PRIM2: variants seen among roughly 807,000 people sequenced by gnomAD.
PRIM2 encodes DNA primase subunit 2.
A neutral mutation model predicts 67.3 loss-of-function variants in PRIM2; 39 were observed. The observed-to-expected ratio is 0.58, with a 90% confidence interval of 0.45 to 0.76. The LOEUF is 0.76. Ranked by LOEUF, PRIM2 falls within the 30% of genes least tolerant of loss-of-function variation. The pLI is 0.00. For synonymous variants in PRIM2, 143 were observed against 198.7 expected, an observed-to-expected ratio of 0.72 and a Z score of 2.36; for missense variants, 398 against 598.7, an observed-to-expected ratio of 0.66 and a Z score of 3.50.
chr6:57,633,425 T>G (rs1777066710), intron 13 of PRIM2, among the ~76,000 whole-genome samples: 1 of 152,204 alleles, frequency 6.6e-6, no homozygotes, highest in East Asian at 1.9e-4. Context: ...TGCTAAAGTT[T>G]TACAATTATT....
At chr6:57,315,926 TC>T (rs1292616659), upstream of PRIM2, among the ~76,000 whole-genome samples, 1 of 152,226 alleles carries the variant, frequency 6.6e-6, no homozygotes, top group Non-Finnish European at 1.5e-5. Context: ...TTATATGCTT[TC>T]AGGTGTCTTC....
chr6:57,608,034 C>G (rs1776593041), intron 12 of PRIM2, among the ~76,000 whole-genome samples: 2 of 151,590 alleles, frequency 1.3e-5, no homozygotes. Context: ...CTCCACTCTA[C>G]TTTAGAGCTT....
intron 7 of PRIM2, among the ~76,000 whole-genome samples, chr6:57,442,826 C>T (rs1328019232): frequency 6.6e-6 from 1 of 151,960 alleles, no homozygotes; most frequent in East Asian, 1.9e-4. Flanking sequence ...TTGAAATGTG[C>T]AATACCCTGT....
chr6:57,426,127 C>T (rs1771617283), intron 7 of PRIM2, among the ~76,000 whole-genome samples: 1 of 152,132 alleles, frequency 6.6e-6, no homozygotes, highest in African/African-American at 2.4e-5. Flanking sequence ...ATTTTAAATA[C>T]ACAGGTCTCT....
chr6:57,442,001 G>A (rs1014352219), intron 7 of PRIM2, among the ~76,000 whole-genome samples: 6 of 152,102 alleles, frequency 3.9e-5, no homozygotes, highest in African/African-American at 1.2e-4. Flanking sequence ...AAAAAAAATA[G>A]GACATAATGT....
chr6:57,299,867 A>T, the PRIM2 span, among the ~76,000 whole-genome samples: 1 of 152,172 alleles, frequency 6.6e-6, no homozygotes, highest in Non-Finnish European at 1.5e-5. Flanking sequence ...AGTGCTCCTC[A>T]GGGGCAGAGG....
chr6:57,396,172 A>G (rs1019923258), intron 7 of PRIM2, among the ~76,000 whole-genome samples: 5 of 152,230 alleles, frequency 3.3e-5, no homozygotes, highest in South Asian at 2.1e-4. Context: ...GTTAAGTCCA[A>G]TTGTTCCAAG....
At chr6:57,520,667 T>C (rs1774592881) in intron 8 of PRIM2, among the ~76,000 whole-genome samples, 2 of 152,200 alleles carry the variant, frequency 1.3e-5, no homozygotes, top group African/African-American at 4.8e-5. Context: ...GTACAATTTA[T>C]ACACAAAAAA....
intron 7 of PRIM2, among the ~76,000 whole-genome samples, chr6:57,454,890 T>G (rs1772705581): frequency 6.6e-6 from 1 of 152,220 alleles, no homozygotes; most frequent in African/African-American, 2.4e-5. Flanking sequence ...GGTGTCAATT[T>G]TAGATCTTTC....
chr6:57,235,442 C>T, the PRIM2 span, among the ~76,000 whole-genome samples: 1 of 141,478 alleles, frequency 7.1e-6, no homozygotes, highest in African/African-American at 2.6e-5. Context: ...CCAGCCTGGG[C>T]AACAAGAGCA....
chr6:57,555,329 G>A (rs1775491144), intron 10 of PRIM2, among the ~76,000 whole-genome samples: 1 of 152,102 alleles, frequency 6.6e-6, no homozygotes, highest in Admixed American at 6.5e-5. Context: ...ATCCAGGCGG[G>A]AGCGCAGTGA....
intron 7 of PRIM2, among the ~76,000 whole-genome samples, chr6:57,447,059 C>A (rs1317871315): frequency 6.6e-6 from 1 of 152,224 alleles, no homozygotes; most frequent in Admixed American, 6.5e-5. Context: ...GGAAGAGCTT[C>A]TGATTTGGCC....
intron 7 of PRIM2, among the ~76,000 whole-genome samples, chr6:57,422,579 A>G (rs563544391): frequency 2.0e-4 from 31 of 152,094 alleles, no homozygotes; most frequent in Admixed American, 7.9e-4. Context: ...AGATACATCA[A>G]TGAAATTTAG....
At chr6:57,577,431 T>TTC (rs1775984310) in intron 10 of PRIM2, among the ~76,000 whole-genome samples, 1 of 141,918 alleles carries the variant, frequency 7.0e-6, no homozygotes, top group East Asian at 2.0e-4. Context: ...ATATAAATTT[T>TTC]TTTTTTTTTT....
intron 10 of PRIM2, among the ~76,000 whole-genome samples, chr6:57,566,191 GT>G (rs1385521978): frequency 9.3e-6 from 1 of 107,900 alleles, no homozygotes; most frequent in Non-Finnish European, 1.9e-5. Flanking sequence ...TTTTTTTTCT[GT>G]AAATGGAATT....
the PRIM2 span, among the ~76,000 whole-genome samples, chr6:57,296,243 A>G: frequency 6.6e-6 from 1 of 152,178 alleles, no homozygotes; most frequent in African/African-American, 2.4e-5. Context: ...CTAAAACTGT[A>G]TACAAAGAAT....
At chr6:57,293,576 G>T in the PRIM2 span, among the ~76,000 whole-genome samples, 1 of 152,114 alleles carries the variant, frequency 6.6e-6, no homozygotes, top group African/African-American at 2.4e-5. Context: ...GCAAAGACTT[G>T]GAACTAACCC....
chr6:57,295,342 T>G, the PRIM2 span, among the ~76,000 whole-genome samples: 1 of 150,824 alleles, frequency 6.6e-6, no homozygotes, highest in African/African-American at 2.4e-5. Context: ...GAATTGAATT[T>G]TATAAAAAAA....
At chr6:57,558,279 C>T (rs1163652955) in intron 10 of PRIM2, among the ~76,000 whole-genome samples, 6 of 152,002 alleles carry the variant, frequency 3.9e-5, no homozygotes, top group Admixed American at 2.6e-4. Context: ...TTTAATATGA[C>T]GTAGAAAGTA....
Sources: allele counts gnomAD v4.1 joint callset (sites outside exome capture counted in the v4.1 genomes callset), GRCh38; gene constraint gnomAD v4.1.1; transcripts MANE v1.5; gene names NCBI Gene and HGNC (gene_info 2026-07-23, HGNC 2026-07-21).